Variants in LIN9 observed in about 807,000 individuals in gnomAD.
LIN9 encodes lin-9 DREAM MuvB core complex component, also known as protein lin-9 homolog.
A neutral mutation model predicts 78.0 loss-of-function variants in LIN9; 18 were observed. The observed-to-expected ratio is 0.23, with a 90% confidence interval of 0.16 to 0.34. The LOEUF (loss-of-function observed/expected upper bound fraction) is 0.34. Among genes scored for constraint, LIN9 ranks in the 10% least tolerant of loss-of-function variants. The pLI, the probability that LIN9 is intolerant of heterozygous loss-of-function variation, is 1.00. For missense variants in LIN9, 451 were observed against 644.1 expected (o/e 0.70, Z 3.25); for synonymous variants, 192 against 215.2 (o/e 0.89, Z 0.94).
Position 226,295,921 on chromosome 1 carries a change from C to A in LIN9, c.185G>T (p.Arg62Leu). ...EMPFRNSKRS[R>L]LFSDEDDRQI... ...CCTATCATCTTCATCAGAAAAAAGT[C>A]GACTTCGTTTTGAATTTCTGAAAGG... The change falls in exon 4 of 15, where the codon CGA becomes CTA. Residue 62 changes from arginine (R) to leucine (L), a missense_variant. Transcript: ENST00000681046. 6.2e-7 allele frequency: 1 copy of A among 1,611,726 alleles called. No individual in the cohort carries two copies. The highest frequency in any genetic ancestry group is 1.1e-5 in the South Asian group (1 of 90,332).
intron 9 of LIN9, 72 bp downstream of exon 9, chr1:226,266,141 T>A: frequency 1.9e-6 from 2 of 1,045,570 alleles, no homozygotes. Flanking sequence ...GTAATAGATG[T>A]GTATTTCTTA....
intron 7 of LIN9, among the ~76,000 whole-genome samples, chr1:226,268,600 G>C (rs1206507030): frequency 1.3e-5 from 2 of 152,172 alleles, no homozygotes; most frequent in Admixed American, 1.3e-4. Context: ...TGGTTTTACT[G>C]TGTCTAGATT....
intron 2 of LIN9, among the ~76,000 whole-genome samples, chr1:226,299,014 A>G (rs1576358683): frequency 6.6e-6 from 1 of 152,344 alleles, no homozygotes; most frequent in South Asian, 2.1e-4. Flanking sequence ...TATGATTTAC[A>G]CATATTATAA....
At chr1:226,241,195 T>G (rs1328672556) in intron 11 of LIN9, among the ~76,000 whole-genome samples, 1 of 152,228 alleles carries the variant, frequency 6.6e-6, no homozygotes, top group Non-Finnish European at 1.5e-5. Flanking sequence ...TTTGTGAAGT[T>G]AAAACCACTG....
At chr1:226,274,366 T>C (rs1052937227) in intron 7 of LIN9, among the ~76,000 whole-genome samples, 1 of 152,234 alleles carries the variant, frequency 6.6e-6, no homozygotes, top group African/African-American at 2.4e-5. Flanking sequence ...CTGCCATCCA[T>C]ATCAGTGCTC....
chr1:226,243,028 T>C (rs548930644), intron 11 of LIN9, among the ~76,000 whole-genome samples: 23 of 152,348 alleles, frequency 1.5e-4, no homozygotes, highest in African/African-American at 5.1e-4. Context: ...AGTAGGCTAT[T>C]AGTAGTTAAG....
chr1:226,294,587 A>C (rs1040603690), intron 4 of LIN9, among the ~76,000 whole-genome samples: 2 of 151,482 alleles, frequency 1.3e-5, no homozygotes, highest in East Asian at 1.9e-4. Context: ...AAAAAAACAA[A>C]AAAAAAAAAA....
intron 10 of LIN9, among the ~76,000 whole-genome samples, chr1:226,264,617 G>T (rs142692023): frequency 1.4e-3 from 207 of 152,194 alleles, no homozygotes; most frequent in African/African-American, 4.7e-3. Context: ...AGGCCAAGGT[G>T]GGGGGATCAC....
At chr1:226,305,299 G>A (rs913144504) in intron 1 of LIN9, among the ~76,000 whole-genome samples, 5 of 123,530 alleles carry the variant, frequency 4.0e-5, no homozygotes, top group South Asian at 2.8e-4. Context: ...GGGAGACCTC[G>A]TCTCTACAAA....
In LIN9 at chr1:226,305,372, G is replaced by A. The variant is rs572903059; in HGVS notation, c.31+3737C>T. 2.2e-4 allele frequency among the ~76,000 whole-genome samples: 32 copies of A among 143,706 alleles called. No individual in the cohort carries two copies. In the South Asian group the frequency reaches 6.7e-3, roughly 30 times the overall value. 94.3% of individuals were successfully genotyped at this position (143,706 alleles called of 152,430 possible). A position where few individuals can be genotyped will look rare whatever the true frequency, so the allele number is the denominator to read the frequency against. Reference sequence around the variant, plus strand: ...GTTGGGCATGGTGGTACATGCCTGCGGTCCCAGCTACTGGGGAGACTGATG... The same window carrying A: ...GTTGGGCATGGTGGTACATGCCTGCAGTCCCAGCTACTGGGGAGACTGATG... On this transcript the variant is annotated intron_variant, in intron 1 of 14. Transcript: ENST00000681046.
At position 226,265,712 on chromosome 1, in the gene LIN9, T is replaced by C. The variant is rs916865124; in HGVS notation, c.937-78A>G. ...TTATTTTTTTATTTTTATTTTTTTT[T>C]AGACGGAGTCTCGCTCTGTTGCCAC... On this transcript the variant is annotated intron_variant, in intron 9 of 14. Coordinates refer to ENST00000681046, the MANE Select transcript of LIN9 (RefSeq NM_001366245.2). The surrounding 1 kb of genome is among the most constrained non-coding windows in gnomAD (Gnocchi z 4.1). 3.6e-4 allele frequency: 282 copies of C among 782,454 alleles called. No homozygotes were observed. Among genetic ancestry groups the C allele is most frequent in the Non-Finnish European group, 4.7e-4 (231 of 492,438 alleles). 48.5% of individuals were successfully genotyped at this position (782,454 alleles called of 1,614,324 possible).
chr1:226,301,111 C>G, intron 2 of LIN9, 62 bp downstream of exon 2: 1 of 1,247,606 alleles, frequency 8.0e-7, no homozygotes, highest in East Asian at 2.3e-5. Context: ...ACACTATATC[C>G]AGATTAATTT....
At chr1:226,278,248 G>A (rs1660793972) in intron 6 of LIN9, among the ~76,000 whole-genome samples, 1 of 152,080 alleles carries the variant, frequency 6.6e-6, no homozygotes, top group South Asian at 2.1e-4. Flanking sequence ...GGCCAACATG[G>A]CCAAACCACG....
chr1:226,273,469 T>C (rs1031765579), intron 7 of LIN9, among the ~76,000 whole-genome samples: 2 of 152,004 alleles, frequency 1.3e-5, no homozygotes, highest in African/African-American at 4.8e-5. Flanking sequence ...GGTCTCAAAC[T>C]CCTGGGCTCA....
intron 2 of LIN9, among the ~76,000 whole-genome samples, chr1:226,299,643 G>C (rs1251734659): frequency 6.6e-6 from 1 of 152,086 alleles, no homozygotes; most frequent in Non-Finnish European, 1.5e-5. Flanking sequence ...TCTCAAGCTA[G>C]AAGGATTTAA....
chr1:226,298,247 C>T (rs974379228), intron 2 of LIN9, among the ~76,000 whole-genome samples: 7 of 152,146 alleles, frequency 4.6e-5, no homozygotes, highest in Non-Finnish European at 8.8e-5. Flanking sequence ...CTTGCTCCAT[C>T]GCCCAGGCTG....
At chr1:226,303,064 A>C (rs922521448) in intron 1 of LIN9, among the ~76,000 whole-genome samples, 10 of 152,264 alleles carry the variant, frequency 6.6e-5, no homozygotes, top group African/African-American at 2.4e-4. Context: ...AAAAGGCAGT[A>C]AAGTCATGGG....
chr1:226,280,744 C>T lies in LIN9; in HGVS notation c.525-2812G>A, dbSNP rs955058481. Among the ~76,000 whole-genome samples, 5 of 152,116 alleles carry T rather than the reference C, an allele frequency of 3.3e-5. 1 individual carries two copies. Among genetic ancestry groups the T allele is most frequent in the Admixed American group, 3.3e-4 (5 of 15,262 alleles). On this transcript the variant is annotated intron_variant, in intron 6 of 14. Coordinates refer to ENST00000681046, the MANE Select transcript of LIN9 (RefSeq NM_001366245.2). ...GAGCCGAAATCACACCACTGCACTC[C>T]AGCCTGGCAACAGAGCGAGACTCCA...
At chr1:226,249,890 C>T (rs897985952) in intron 11 of LIN9, among the ~76,000 whole-genome samples, 5 of 152,060 alleles carry the variant, frequency 3.3e-5, no homozygotes, top group South Asian at 2.1e-4. Flanking sequence ...AACTCTGGGC[C>T]GGGTGCTGTG....
Sources: allele counts gnomAD v4.1 joint callset (sites outside exome capture counted in the v4.1 genomes callset), GRCh38; gene constraint gnomAD v4.1.1; non-coding constraint Gnocchi (gnomAD v3.1); transcripts MANE v1.5; gene names NCBI Gene and HGNC (gene_info 2026-07-23, HGNC 2026-07-21).